SEMA6A: variants seen among roughly 807,000 people sequenced by gnomAD.
SEMA6A encodes semaphorin 6A, also known as semaphorin-6A.
SEMA6A carries 25 observed loss-of-function variants against 96.8 expected under a neutral mutation model. The ratio of observed to expected loss-of-function variants is 0.26; its 90% CI spans 0.19 to 0.36. The LOEUF (loss-of-function observed/expected upper bound fraction) is 0.36. Among genes scored for constraint, SEMA6A ranks in the 10% least tolerant of loss-of-function variants. SEMA6A has a pLI of 1.00. For synonymous variants in SEMA6A, 612 were observed against 518.0 expected (o/e 1.18, Z -2.46); for missense variants, 1,363 against 1,323.1 (o/e 1.03, Z -0.47).
chr5:116,499,451 G>A (rs1757766870), intron 3 of SEMA6A, among the ~76,000 whole-genome samples: 1 of 152,122 alleles, frequency 6.6e-6, no homozygotes, highest in African/African-American at 2.4e-5. Flanking sequence ...GAGGGATTTA[G>A]CTTTAAATCG....
At chr5:116,495,583 C>T in intron 5 of SEMA6A, 69 bp from the exon 6 acceptor site, 1 of 1,163,608 alleles carries the variant, frequency 8.6e-7, no homozygotes, top group Middle Eastern at 2.5e-4. Flanking sequence ...CACTGTATGC[C>T]ATGGTTGGCT....
chr5:116,541,920 C>T (rs377361061), intron 1 of SEMA6A, among the ~76,000 whole-genome samples: 5 of 152,142 alleles, frequency 3.3e-5, no homozygotes, highest in Non-Finnish European at 7.4e-5. Context: ...AGAAAAAGAA[C>T]GTAAGTTCTT....
intron 1 of SEMA6A, among the ~76,000 whole-genome samples, chr5:116,530,817 C>CA (rs1389727187): frequency 6.6e-6 from 1 of 152,066 alleles, no homozygotes; most frequent in East Asian, 1.9e-4. Context: ...GGTATATTTT[C>CA]AAAAAAGCTC....
At chr5:116,454,438 A>G (rs1482387978) in intron 18 of SEMA6A, among the ~76,000 whole-genome samples, 1 of 152,192 alleles carries the variant, frequency 6.6e-6, no homozygotes, top group Admixed American at 6.5e-5. Flanking sequence ...TACTGCAACA[A>G]AATTCCAGGC....
intron 18 of SEMA6A, among the ~76,000 whole-genome samples, chr5:116,464,577 G>T (rs986401303): frequency 6.6e-6 from 1 of 152,140 alleles, no homozygotes; most frequent in South Asian, 2.1e-4. Flanking sequence ...GGTGTAGAAG[G>T]AAAGAGCCTT....
intron 1 of SEMA6A, among the ~76,000 whole-genome samples, chr5:116,522,753 C>T (rs540206813): frequency 2.0e-5 from 3 of 151,966 alleles, no homozygotes; most frequent in Non-Finnish European, 2.9e-5. Context: ...TCTATCTGCA[C>T]GTTGATTTCT....
At chr5:116,502,373 C>T (rs1034398173) in intron 2 of SEMA6A, 46 bp from the exon 3 acceptor site, 2 of 1,527,764 alleles carry the variant, frequency 1.3e-6, no homozygotes, top group Admixed American at 1.7e-5. Context: ...CAAATCAAGC[C>T]AGGAATTGAC....
intron 1 of SEMA6A, among the ~76,000 whole-genome samples, chr5:116,558,085 G>C (rs2112898010): frequency 6.6e-6 from 1 of 152,114 alleles, no homozygotes; most frequent in East Asian, 1.9e-4. Flanking sequence ...TTTCATAAAG[G>C]TTCTCTAGAA....
chr5:116,480,415 A>G, intron 11 of SEMA6A, 138 bp from the exon 12 acceptor site: 3 of 1,007,614 alleles, frequency 3.0e-6, no homozygotes, highest in Non-Finnish European at 4.4e-6. Context: ...TGAACAATGC[A>G]GAATGCCACC....
chr5:116,495,548 C>G (rs1472186465), intron 5 of SEMA6A, 34 bp from the exon 6 acceptor site: 1 of 1,433,698 alleles, frequency 7.0e-7, no homozygotes, highest in African/African-American at 1.4e-5. Flanking sequence ...TGTATCATGT[C>G]CATTCAGTAC....
intron 6 of SEMA6A, chr5:116,492,373 T>A (rs1189088208): frequency 6.6e-6 from 1 of 151,360 alleles, no homozygotes; most frequent in African/African-American, 2.4e-5. Flanking sequence ...AATGTTTCGG[T>A]TTGTGAGGTT....
chr5:116,550,557 A>C (rs1336060796), intron 1 of SEMA6A: 1 of 152,192 alleles, frequency 6.6e-6, no homozygotes, highest in Non-Finnish European at 1.5e-5. Context: ...ATCTTCTTTA[A>C]GTACCATTTT....
chr5:116,467,235 C>T (rs1355325854), intron 18 of SEMA6A, among the ~76,000 whole-genome samples: 1 of 152,116 alleles, frequency 6.6e-6, no homozygotes, highest in Non-Finnish European at 1.5e-5. Flanking sequence ...TGCATTCCAT[C>T]ACATTATGGT....
chr5:116,497,214 G>T, intron 4 of SEMA6A, 113 bp downstream of exon 4: 1 of 621,062 alleles, frequency 1.6e-6, no homozygotes, highest in South Asian at 2.4e-5. Flanking sequence ...ATGCATGTTG[G>T]CATCTCTAAA....
chr5:116,489,134 C>A (rs1478505532), intron 7 of SEMA6A, 127 bp from the exon 8 acceptor site: 3 of 1,101,638 alleles, frequency 2.7e-6, no homozygotes, highest in Non-Finnish European at 2.5e-6. Flanking sequence ...GGGAAAAATC[C>A]AAGAGTCGCT....
chr5:116,542,217 C>T (rs906971128), intron 1 of SEMA6A, among the ~76,000 whole-genome samples: 1 of 152,208 alleles, frequency 6.6e-6, no homozygotes, highest in Non-Finnish European at 1.5e-5. Flanking sequence ...CTAACCAAAT[C>T]ATGTGTCAGT....
Position 116,574,445 on chromosome 5 carries a change from A to T in SEMA6A, c.-299T>A, listed in dbSNP as rs1761379191. The T allele has an allele frequency of 6.6e-6, 1 of 152,286 alleles. No individual in the cohort carries two copies. The highest frequency in any genetic ancestry group is 2.4e-5 in the African/African-American group (1 of 41,414). The allele number at this position is 152,286 out of a possible 1,614,324, so 9.4% of individuals were successfully genotyped here. On this transcript the variant is annotated 5_prime_UTR_variant, in exon 1 of 19. Coordinates refer to ENST00000343348, the MANE Select transcript of SEMA6A (RefSeq NM_020796.5). ...GGAGAGGAAAAAAGAAGCCAAAAAA[A>T]AAAAGAAGAAAAAGAAAAAGAAAAC...
intron 1 of SEMA6A, among the ~76,000 whole-genome samples, chr5:116,551,317 TACACACACACACAC>T (rs66523615): frequency 1.4e-5 from 2 of 142,414 alleles, no homozygotes; most frequent in Non-Finnish European, 3.0e-5. Context: ...AGTCTTAGCA[TACACACACACACAC>T]ACACACACAC....
At chr5:116,538,724 T>C (rs943274299) in intron 1 of SEMA6A, among the ~76,000 whole-genome samples, 17 of 152,132 alleles carry the variant, frequency 1.1e-4, no homozygotes, top group Non-Finnish European at 2.4e-4. Flanking sequence ...ATGGCAACCT[T>C]CTAATGATAA....
Sources: allele counts gnomAD v4.1 joint callset (sites outside exome capture counted in the v4.1 genomes callset), GRCh38; gene constraint gnomAD v4.1.1; transcripts MANE v1.5; gene names NCBI Gene and HGNC (gene_info 2026-07-23, HGNC 2026-07-21).